The following CAMTA2 variants were observed in gnomAD, a reference collection of about 807,000 sequenced individuals.
CAMTA2 encodes the protein calmodulin-binding transcription activator 2.
CAMTA2 carries 56 observed loss-of-function variants against 135.7 expected under a neutral mutation model. The observed-to-expected ratio is 0.41, with a 90% CI of 0.33 to 0.52. CAMTA2 has a LOEUF of 0.52. Ranked by LOEUF, CAMTA2 falls within the 20% of genes least tolerant of loss-of-function variation. The probability of loss-of-function intolerance (pLI) is 0.16; values close to 1 mark genes in which losing one functional copy is unlikely to be tolerated. For missense variants in CAMTA2, 1,358 were observed against 1,553.4 expected (o/e 0.87, Z 2.11); for synonymous variants, 591 against 604.6 (o/e 0.98, Z 0.33).
In CAMTA2 at chr17:4,981,273, T is replaced by C; in HGVS notation, c.652A>G (p.Thr218Ala). ...GCGTGGGTTCGGGGAGCAGGCTTGG[T>C]TGGGTGGGTGTCCAAAATCTGCTGC... is the stretch of plus-strand genomic sequence containing the variant. ...LVQQILDTHP[T>A]KPAPRTHACL... The change falls in exon 8 of 23, where the codon ACC becomes GCC. Residue 218 changes from threonine to alanine, a missense_variant. Physicochemically the swap from Thr to Ala is moderately conservative, Grantham distance 58 (BLOSUM62 0). Transcript: ENST00000348066. 6.2e-7 allele frequency: 1 copy of C among 1,614,014 alleles called. No homozygotes were observed. Among genetic ancestry groups the C allele is most frequent in the Non-Finnish European group, 8.5e-7 (1 of 1,179,966 alleles).
chr17:4,987,224 T>A, intron 1 of CAMTA2: 1 of 1,340,866 alleles, frequency 7.5e-7, no homozygotes, highest in Non-Finnish European at 9.5e-7. Context: ...ATCGGACGCT[T>A]GGCACTCTGG....
chr17:4,970,604 C>A, intron 16 of CAMTA2, 68 bp from the exon 17 acceptor site: 1 of 1,319,692 alleles, frequency 7.6e-7, no homozygotes, highest in Non-Finnish European at 1.1e-6. Context: ...TCAGTCCATT[C>A]CTATCTTGTT....
rs1344559416 is a variant in CAMTA2, at chr17:4,969,733, C to A, written c.3190-32G>T. On this transcript the variant is annotated intron_variant, in intron 18 of 22. Transcript: ENST00000348066. This position sits in a 1 kb window ranked among gnomAD's most constrained non-coding sequence, Gnocchi z 5.6. ...GGAGAGAAGTCTCACCACCTCATGACCCACATAATGGCATATCTGACTTGT... is the reference window on the plus strand; with the variant it reads ...GGAGAGAAGTCTCACCACCTCATGAACCACATAATGGCATATCTGACTTGT... 2 of 1,612,308 alleles carry A rather than the reference C, an allele frequency of 1.2e-6. No homozygotes were observed. Among genetic ancestry groups the A allele is most frequent in the South Asian group, 2.2e-5 (2 of 91,048 alleles).
intron 14 of CAMTA2, 36 bp downstream of exon 14, chr17:4,973,139 C>T (rs1376394572): frequency 6.3e-7 from 1 of 1,587,588 alleles, no homozygotes; most frequent in East Asian, 2.2e-5. Context: ...CCATTGCTCC[C>T]TGCCCCATAT....
In CAMTA2 at chr17:4,972,756, G is replaced by C. The variant is rs1403381237; in HGVS notation, c.2503+13C>G. 2 of 1,610,416 alleles carry C rather than the reference G, an allele frequency of 1.2e-6. No individual in the cohort carries two copies. The highest frequency in any genetic ancestry group is 3.3e-5 in the Admixed American group (2 of 60,014). On this transcript the variant is annotated intron_variant, in intron 15 of 22. Transcript: ENST00000348066. ...CTACATCCCTCTCTCCAAAAGATTA[G>C]GGCCACCCTCACCAGTGTCTGGGCT...
chr17:4,981,961 C>T, intron 6 of CAMTA2, 128 bp downstream of exon 6: 1 of 1,272,660 alleles, frequency 7.9e-7, no homozygotes, highest in South Asian at 1.3e-5. Context: ...CATCCCCAAG[C>T]CCCTTTCTCT....
chr17:4,986,327 A>G (rs778996781), intron 1 of CAMTA2, 41 bp from the exon 2 acceptor site: 2 of 788,476 alleles, frequency 2.5e-6, no homozygotes, highest in Non-Finnish European at 4.2e-6. Context: ...AAGCCCCCAC[A>G]TTAATCCAGG....
Position 4,972,538 on chromosome 17 carries a change from T to C in CAMTA2, c.2504-2A>G, listed in dbSNP as rs1972360557. Reference sequence around the variant, plus strand: ...AGGGCGAGGAGACGCTGCTCAGACCTGTGTGGGGAGGGAAGAGAGTGAGGG... The same window carrying C: ...AGGGCGAGGAGACGCTGCTCAGACCCGTGTGGGGAGGGAAGAGAGTGAGGG... On this transcript the variant is annotated splice_acceptor_variant, in intron 15 of 22. Coordinates refer to ENST00000348066, the MANE Select transcript of CAMTA2 (RefSeq NM_015099.4). LOFTEE classifies it high-confidence loss of function. 6.2e-7 allele frequency: 1 copy of C among 1,600,820 alleles called. No homozygotes were observed. The highest frequency in any genetic ancestry group is 1.1e-5 in the South Asian group (1 of 89,540).
At chr17:4,981,979 A>T in intron 6 of CAMTA2, 110 bp downstream of exon 6, 3 of 1,268,244 alleles carry the variant, frequency 2.4e-6, no homozygotes, top group Non-Finnish European at 3.4e-6. Context: ...TCTTCTTCCC[A>T]GGCTCCTTTC....
At chr17:4,986,034 G>T in intron 2 of CAMTA2, 51 bp from the exon 3 acceptor site, 1 of 1,367,208 alleles carries the variant, frequency 7.3e-7, no homozygotes, top group African/African-American at 1.4e-5. Flanking sequence ...GGGCATCCCT[G>T]TGATAGTCCA....
chr17:4,973,446 G>A, intron 13 of CAMTA2, 139 bp downstream of exon 13: 1 of 940,608 alleles, frequency 1.1e-6, no homozygotes, highest in Non-Finnish European at 1.6e-6. Context: ...CAAAATATAA[G>A]TCCTCTCCCA....
At chr17:4,975,141 C>T (rs540319585) in intron 11 of CAMTA2, among the ~76,000 whole-genome samples, 16 of 152,198 alleles carry the variant, frequency 1.1e-4, no homozygotes, top group African/African-American at 3.9e-4. Context: ...TCTGTCCCCT[C>T]CTGAGATCAA....
At chr17:4,979,655 A>T in intron 9 of CAMTA2, 29 bp downstream of exon 9, 1 of 1,472,250 alleles carries the variant, frequency 6.8e-7, no homozygotes. Flanking sequence ...AATAGGAGGG[A>T]GGAGGGAGGA....
At position 4,979,574 on chromosome 17, in the gene CAMTA2, A is replaced by T; in HGVS notation, c.1638+110T>A. 4 of 698,618 alleles carry T rather than the reference A, an allele frequency of 5.7e-6. No individual in the cohort carries two copies. In the Admixed American group the frequency reaches 8.0e-5, roughly 14 times the overall value. 43.3% of individuals were successfully genotyped at this position (698,618 alleles called of 1,614,324 possible). On this transcript the variant is annotated intron_variant, in intron 9 of 22. Transcript: ENST00000348066. ...ACTAAGAAGCCTAAGAAGCCATGAA[A>T]ACTGAGGGAAACTAGGTCACAGACC...
intron 17 of CAMTA2, 61 bp downstream of exon 17, chr17:4,970,279 C>A: frequency 6.3e-7 from 1 of 1,582,466 alleles, no homozygotes; most frequent in Non-Finnish European, 8.7e-7. Context: ...GGAAAGCCAG[C>A]TTTCTCCCTT....
At chr17:4,981,626 A>G (rs374111730) in intron 7 of CAMTA2, 52 bp downstream of exon 7, 35 of 1,526,034 alleles carry the variant, frequency 2.3e-5, no homozygotes, top group Non-Finnish European at 2.7e-5. Context: ...CCCCTCTGGG[A>G]GCCCTGTTTC....
intron 16 of CAMTA2, among the ~76,000 whole-genome samples, chr17:4,971,676 A>G (rs1324340657): frequency 6.9e-6 from 1 of 145,034 alleles, no homozygotes; most frequent in Non-Finnish European, 1.5e-5. Context: ...TATATTTTAA[A>G]TCTTACTATT....
In CAMTA2 at chr17:4,973,168, T is replaced by C; in HGVS notation, c.2280+7A>G. The C allele has an allele frequency of 1.9e-6, 3 of 1,612,868 alleles. No individual in the cohort carries two copies. The highest frequency in any genetic ancestry group is 2.5e-6 in the Non-Finnish European group (3 of 1,178,862). ...CCCATATGCGCTCAGGAATCCGTCA[T>C]CCTCACCAGAGGGGTGCAAGAGAAA... On this transcript the variant is annotated splice_region_variant and intron_variant, in intron 14 of 22. Transcript: ENST00000348066.
chr17:4,970,313 C>T (rs1306947395), intron 17 of CAMTA2, 27 bp downstream of exon 17: 3 of 1,610,590 alleles, frequency 1.9e-6, no homozygotes, highest in Admixed American at 1.7e-5. Context: ...TTTGAAGAAT[C>T]TGGAGGCTTT....
Sources: gnomAD v4.1 joint callset for allele counts (sites outside exome capture counted in the v4.1 genomes callset) on GRCh38, gnomAD v4.1.1 for gene constraint, Gnocchi (gnomAD v3.1) non-coding constraint, MANE v1.5 for transcripts, NCBI Gene and HGNC (gene_info 2026-07-23, HGNC 2026-07-21) for gene names.